MYO18B: variants seen among roughly 807,000 people sequenced by gnomAD.
MYO18B encodes unconventional myosin-XVIIIb.
MYO18B carries 204 observed loss-of-function variants against 273.0 expected under a neutral mutation model. That is an observed-to-expected ratio of 0.75 (90% CI 0.67 to 0.84). The LOEUF is 0.84. Ranked by LOEUF, MYO18B falls within the 40% of genes least tolerant of loss-of-function variation. The pLI is 0.00. For synonymous variants in MYO18B, 1,330 were observed against 1,305.7 expected (o/e 1.02, Z -0.40); for missense variants, 3,212 against 3,287.6 (o/e 0.98, Z 0.56).
chr22:25,772,547 G>A (rs1223170555), intron 7 of MYO18B, 37 bp downstream of exon 7: 3 of 1,589,694 alleles, frequency 1.9e-6, no homozygotes, highest in Non-Finnish European at 2.6e-6. Flanking sequence ...CTGAGGGGCT[G>A]AGGGCAGGGG....
chr22:25,982,899 C>T (rs1267878627), intron 39 of MYO18B, among the ~76,000 whole-genome samples: 7 of 152,116 alleles, frequency 4.6e-5, no homozygotes, highest in African/African-American at 7.2e-5. Context: ...ATACCTTGAG[C>T]CAGAACCACC....
At chr22:25,997,871 C>G (rs1053593806) in intron 40 of MYO18B, among the ~76,000 whole-genome samples, 1 of 150,952 alleles carries the variant, frequency 6.6e-6, no homozygotes, top group Admixed American at 6.6e-5. Flanking sequence ...GGGACTGGTT[C>G]GAGGTACTTC....
At chr22:26,060,174 C>G in the MYO18B span, among the ~76,000 whole-genome samples, 3 of 152,276 alleles carry the variant, frequency 2.0e-5, no homozygotes, top group African/African-American at 7.2e-5. Context: ...TCTACTCACT[C>G]CTTGTTTTTA....
At position 25,895,445 on chromosome 22, in the gene MYO18B, G is replaced by C. The variant is rs940929297; in HGVS notation, c.4668+165G>C. The stretch of plus-strand genomic sequence containing the variant: ...ACTATTATTACAAATGCTGGTCACT[G>C]TGAGACATGAAAAATATTGTCTGTA... On this transcript the variant is annotated intron_variant, in intron 28 of 43. Coordinates refer to ENST00000335473, the MANE Select transcript of MYO18B (RefSeq NM_032608.7). 9.3e-6 allele frequency: 7 copies of C among 754,272 alleles called. No individual in the cohort carries two copies. In the African/African-American group the frequency reaches 1.2e-4, roughly 13 times the overall value. 46.7% of individuals were successfully genotyped at this position (754,272 alleles called of 1,614,324 possible). A position where few individuals can be genotyped will look rare whatever the true frequency, so the allele number is the denominator to read the frequency against.
At chr22:25,815,009 C>T (rs191004015) in intron 12 of MYO18B, among the ~76,000 whole-genome samples, 1 of 152,306 alleles carries the variant, frequency 6.6e-6, no homozygotes, top group East Asian at 1.9e-4. Flanking sequence ...CACTGAATTG[C>T]AGGGTTCATA....
At position 25,828,893 on chromosome 22, in the gene MYO18B, C is replaced by T; in HGVS notation, c.2904C>T (p.His968=). 6.2e-7 allele frequency: 1 copy of T among 1,614,038 alleles called. No homozygotes were observed. The highest frequency in any genetic ancestry group is 8.5e-7 in the Non-Finnish European group (1 of 1,179,896). ...DRAATFEELC[H]NYAHERLQLL... is the part of the protein sequence containing the mutation. ...CGGCCACCTTTGAGGAGCTGTGCCA[C>T]AACTACGCCCATGAGCGCCTGCAGC... Residue 968 remains histidine (H), a synonymous_variant, in exon 15 of 44, where the codon CAC becomes CAT. Coordinates refer to ENST00000335473, the MANE Select transcript of MYO18B (RefSeq NM_032608.7).
chr22:25,949,997 C>G (rs1050877418), intron 36 of MYO18B, among the ~76,000 whole-genome samples: 1 of 152,194 alleles, frequency 6.6e-6, no homozygotes, highest in African/African-American at 2.4e-5. Flanking sequence ...GGCTCCACAG[C>G]TTGCTAAGGC....
intron 22 of MYO18B, among the ~76,000 whole-genome samples, chr22:25,871,107 C>T (rs1323786837): frequency 6.6e-6 from 1 of 152,158 alleles, no homozygotes. Flanking sequence ...GCAGATGCAG[C>T]ATCTTACGCA....
intron 40 of MYO18B, among the ~76,000 whole-genome samples, chr22:25,997,737 T>C (rs1344478903): frequency 6.6e-6 from 1 of 152,116 alleles, no homozygotes; most frequent in Non-Finnish European, 1.5e-5. Flanking sequence ...CCACCGTCCA[T>C]AGCAGAACCC....
intron 25 of MYO18B, among the ~76,000 whole-genome samples, chr22:25,879,266 A>T (rs997137492): frequency 1.3e-5 from 2 of 152,194 alleles, no homozygotes; most frequent in Non-Finnish European, 1.5e-5. Flanking sequence ...TAAAACATTT[A>T]CTCTCTGGAT....
rs55754933 is a variant in MYO18B, at chr22:25,891,444, G to A, written c.4543+32G>A. 6.1e-5 allele frequency: 85 copies of A among 1,392,416 alleles called. No individual in the cohort carries two copies. In the East Asian group the frequency reaches 2.0e-3, roughly 33 times the overall value. 86.3% of individuals were successfully genotyped at this position (1,392,416 alleles called of 1,614,324 possible). ...AGCCTGGGACCCTTGGGGCTGGAAG[G>A]TGATGGACAAAGTTGTCTTTCCCAT... On this transcript the variant is annotated intron_variant, in intron 27 of 43. Transcript: ENST00000335473.
chr22:25,748,079 G>A (rs1350776625), intron 1 of MYO18B, among the ~76,000 whole-genome samples: 1 of 152,182 alleles, frequency 6.6e-6, no homozygotes, highest in African/African-American at 2.4e-5. Context: ...CCAGGAGACT[G>A]AGCATTGTTC....
intron 27 of MYO18B, among the ~76,000 whole-genome samples, chr22:25,893,437 T>G (rs2091716196): frequency 6.6e-6 from 1 of 152,162 alleles, no homozygotes; most frequent in Non-Finnish European, 1.5e-5. Context: ...AGATGAGCCT[T>G]GAAGGAGAAC....
At chr22:25,891,943 A>G (rs2091673498) in intron 27 of MYO18B, among the ~76,000 whole-genome samples, 2 of 152,164 alleles carry the variant, frequency 1.3e-5, no homozygotes, top group Non-Finnish European at 2.9e-5. Context: ...TAGGAGGATC[A>G]CTTAAGCCTG....
chr22:25,886,565 A>G (rs2091506753), intron 25 of MYO18B, among the ~76,000 whole-genome samples: 1 of 152,186 alleles, frequency 6.6e-6, no homozygotes, highest in African/African-American at 2.4e-5. Context: ...CTCTTTGGCC[A>G]AAGTGTCCAG....
chr22:25,807,419 C>T (rs1353746552), intron 12 of MYO18B, among the ~76,000 whole-genome samples: 1 of 152,224 alleles, frequency 6.6e-6, no homozygotes, highest in African/African-American at 2.4e-5. Context: ...ATGGCTTGAA[C>T]AATCACTTTA....
At chr22:25,976,240 G>A (rs1159420963) in intron 39 of MYO18B, among the ~76,000 whole-genome samples, 1 of 152,162 alleles carries the variant, frequency 6.6e-6, no homozygotes, top group African/African-American at 2.4e-5. Flanking sequence ...CTGAGGTCAA[G>A]AAACCCTGCT....
intron 25 of MYO18B, chr22:25,884,682 T>A (rs1403611739): frequency 1.3e-5 from 2 of 152,194 alleles, no homozygotes; most frequent in African/African-American, 4.8e-5. Flanking sequence ...ATCTGGGCAC[T>A]GTACAAGGTA....
At chr22:25,898,561 A>G in intron 29 of MYO18B, 100 bp downstream of exon 29, 1 of 1,308,294 alleles carries the variant, frequency 7.6e-7, no homozygotes, top group South Asian at 1.4e-5. Context: ...CCTCACTTCA[A>G]CTCCCTTGTT....
Sources: allele counts gnomAD v4.1 joint callset (sites outside exome capture counted in the v4.1 genomes callset), GRCh38; gene constraint gnomAD v4.1.1; transcripts MANE v1.5; gene names NCBI Gene and HGNC (gene_info 2026-07-23, HGNC 2026-07-21).